Variants in ADGRB1 observed in about 807,000 individuals in gnomAD.
ADGRB1 encodes the protein brain-specific angiogenesis inhibitor 1.
In ADGRB1, 36 loss-of-function variants were observed where a neutral mutation model predicts 175.7. The observed-to-expected ratio is 0.20, with a 90% CI of 0.16 to 0.27. The LOEUF (loss-of-function observed/expected upper bound fraction) is 0.27, where lower values mean the gene tolerates loss of function less well. Ranked by LOEUF, ADGRB1 falls within the 10% of genes least tolerant of loss-of-function variation. The pLI, the probability that ADGRB1 is intolerant of heterozygous loss-of-function variation, is 1.00. For missense variants in ADGRB1, 1,731 were observed against 2,255.3 expected (o/e 0.77, Z 4.71); for synonymous variants, 1,054 against 979.4 (o/e 1.08, Z -1.42).
At chr8:142,528,858 C>T (rs1375840445) in intron 24 of ADGRB1, among the ~76,000 whole-genome samples, 2 of 152,236 alleles carry the variant, frequency 1.3e-5, no homozygotes, top group Non-Finnish European at 2.9e-5. Flanking sequence ...CACAAGGCAC[C>T]GCGGGTGCAG....
At chr8:142,469,370 TGTGTGAATGTGGGA>T (rs1281507859) in intron 2 of ADGRB1, among the ~76,000 whole-genome samples, 1 of 151,334 alleles carries the variant, frequency 6.6e-6, no homozygotes, top group Non-Finnish European at 1.5e-5. Context: ...CACGTGCATG[TGTGTGAATGTGGGA>T]GTGTGTATGT....
chr8:142,533,436 C>G lies in ADGRB1; in HGVS notation c.3540C>G (p.Ile1180Met), dbSNP rs747609583. The G allele has an allele frequency of 1.9e-6, 3 of 1,612,140 alleles. No individual in the cohort carries two copies. Among genetic ancestry groups the G allele is most frequent in the Non-Finnish European group, 2.5e-6 (3 of 1,179,048 alleles). Residue 1180 changes from isoleucine (I) to methionine (M), a missense_variant, in exon 25 of 31, where the codon ATC becomes ATG. Ile to Met is a conservative substitution (Grantham distance 10, BLOSUM62 1). Coordinates refer to ENST00000517894, the MANE Select transcript of ADGRB1 (RefSeq NM_001702.3). ...AVFDSLEGFV[I>M]VMVHCILRRE... ...TCGACTCGCTGGAGGGCTTCGTCAT[C>G]GTCATGGTGCACTGTATCCTCCGTA...
In ADGRB1 at chr8:142,511,896, T is replaced by A. The variant is rs936712231; in HGVS notation, c.2817+823T>A. 3.3e-5 allele frequency among the ~76,000 whole-genome samples: 5 copies of A among 152,206 alleles called. No individual in the cohort carries two copies. Among genetic ancestry groups the A allele is most frequent in the Admixed American group, 3.3e-4 (5 of 15,290 alleles). On this transcript the variant is annotated intron_variant, in intron 18 of 30. Coordinates refer to ENST00000517894, the MANE Select transcript of ADGRB1 (RefSeq NM_001702.3). This position sits in a 1 kb window ranked among gnomAD's most constrained non-coding sequence, Gnocchi z 4.5. ...TCCGCCCAGACCTCGTGTGGAAGCC[T>A]GGGAGGCAGCAGGGGTGGAGGATGC...
chr8:142,529,992 G>A (rs1844518273), intron 24 of ADGRB1, among the ~76,000 whole-genome samples: 1 of 151,958 alleles, frequency 6.6e-6, no homozygotes, highest in Non-Finnish European at 1.5e-5. Flanking sequence ...GCATCTGTGT[G>A]TGTGAGCGCA....
intron 13 of ADGRB1, among the ~76,000 whole-genome samples, chr8:142,486,096 C>T (rs1039170877): frequency 5.3e-5 from 8 of 152,180 alleles, no homozygotes; most frequent in African/African-American, 1.9e-4. Flanking sequence ...AGGACACATT[C>T]AAGCTATAGC....
At chr8:142,521,622 G>A (rs1398587120) in intron 20 of ADGRB1, among the ~76,000 whole-genome samples, 1 of 152,244 alleles carries the variant, frequency 6.6e-6, no homozygotes, top group East Asian at 1.9e-4. Context: ...TCCTTGGGGC[G>A]TGACGTGCCC....
At chr8:142,462,406 A>G (rs930104981) in intron 1 of ADGRB1, among the ~76,000 whole-genome samples, 3 of 152,138 alleles carry the variant, frequency 2.0e-5, no homozygotes, top group African/African-American at 7.2e-5. Flanking sequence ...AGATGGAGAA[A>G]CCGAGGCTTT....
rs919284839 is a variant in ADGRB1 at position 142,492,266 on chromosome 8, C to T, written c.2675+1451C>T. On this transcript the variant is annotated intron_variant, in intron 17 of 30. Coordinates refer to ENST00000517894, the MANE Select transcript of ADGRB1 (RefSeq NM_001702.3). This position sits in a 1 kb window ranked among gnomAD's most constrained non-coding sequence, Gnocchi z 4.4. ...TAATCCATCCGCCCATCGCCCACTG[C>T]TCACCACCCTTCCTCCGGCGGTCAC... Among the ~76,000 whole-genome samples, 3 of 152,190 alleles carry T rather than the reference C, an allele frequency of 2.0e-5. No homozygotes were observed. The highest frequency in any genetic ancestry group is 2.9e-5 in the Non-Finnish European group (2 of 68,034).
At chr8:142,454,697 G>T (rs1191974957) in intron 1 of ADGRB1, among the ~76,000 whole-genome samples, 1 of 152,114 alleles carries the variant, frequency 6.6e-6, no homozygotes, top group Non-Finnish European at 1.5e-5. Context: ...ACTCCTCGGG[G>T]TTAAGGTGAG....
At chr8:142,480,714 G>A (rs1563696450) in intron 9 of ADGRB1, among the ~76,000 whole-genome samples, 1 of 152,170 alleles carries the variant, frequency 6.6e-6, no homozygotes. Flanking sequence ...TGTGGCTGCC[G>A]CCACCCTGTA....
At chr8:142,509,868 G>A (rs1052829890) in intron 17 of ADGRB1, among the ~76,000 whole-genome samples, 1 of 152,210 alleles carries the variant, frequency 6.6e-6, no homozygotes, top group African/African-American at 2.4e-5. Context: ...CCTCCACCAG[G>A]CAGGCCCAGG....
chr8:142,450,270 C>G (rs1166727390), intron 1 of ADGRB1, among the ~76,000 whole-genome samples, 166 bp downstream of exon 1: 2 of 151,678 alleles, frequency 1.3e-5, no homozygotes, highest in Admixed American at 1.3e-4. Context: ...GACCCCCACC[C>G]CCTACCCCCT....
intron 24 of ADGRB1, among the ~76,000 whole-genome samples, chr8:142,527,211 A>G (rs550176285): frequency 6.6e-6 from 1 of 152,280 alleles, no homozygotes; most frequent in African/African-American, 2.4e-5. Flanking sequence ...TTTGAGGGAC[A>G]GGGCCCTGGG....
chr8:142,522,645 C>G lies in ADGRB1; in HGVS notation c.3180C>G (p.Leu1060=), dbSNP rs1317013198. 8 of 1,559,826 alleles carry G rather than the reference C, an allele frequency of 5.1e-6. No individual in the cohort carries two copies. Among genetic ancestry groups the G allele is most frequent in the African/African-American group, 1.4e-5 (1 of 73,136 alleles). The change falls in exon 22 of 31, where the codon CTC becomes CTG. Residue 1060 remains leucine (L), a synonymous_variant. Transcript: ENST00000517894. Reference sequence around the variant, plus strand: ...CTCTCTCTGCTCCTTCTCCAGGGCTCCCTGCACTGGTTGTGGCCATTTCTG... The same window carrying G: ...CTCTCTCTGCTCCTTCTCCAGGGCTGCCTGCACTGGTTGTGGCCATTTCTG... ...RKRFLCLGWG[L]PALVVAISVG...
chr8:142,487,883 C>T (rs951063248), intron 13 of ADGRB1, among the ~76,000 whole-genome samples: 3 of 152,226 alleles, frequency 2.0e-5, no homozygotes, highest in African/African-American at 7.2e-5. Flanking sequence ...AGCCCTGAGG[C>T]AGGGCAGCCC....
chr8:142,542,721 G>T lies in ADGRB1; in HGVS notation c.4413+74G>T. The T allele has an allele frequency of 7.4e-7, 1 of 1,358,830 alleles. No individual in the cohort carries two copies. The highest frequency in any genetic ancestry group is 9.9e-7 in the Non-Finnish European group (1 of 1,012,494). The allele number at this position is 1,358,830 out of a possible 1,614,324, so 84.2% of individuals were successfully genotyped here. ...GCAGCAGCTGGGTCACCCCTGCTGG[G>T]TGGGACCCCCACGCCGTCAGCGGGG... On this transcript the variant is annotated intron_variant, in intron 28 of 30. Coordinates refer to ENST00000517894, the MANE Select transcript of ADGRB1 (RefSeq NM_001702.3). The surrounding 1 kb of genome is among the most constrained non-coding windows in gnomAD (Gnocchi z 6.3).
At chr8:142,541,321 C>T (rs1845259397) in intron 27 of ADGRB1, among the ~76,000 whole-genome samples, 1 of 152,152 alleles carries the variant, frequency 6.6e-6, no homozygotes, top group Non-Finnish European at 1.5e-5. Flanking sequence ...GGCTGGGCCC[C>T]TTGCAACTGA....
At chr8:142,498,561 G>GCACAC in intron 17 of ADGRB1, among the ~76,000 whole-genome samples, 1 of 151,960 alleles carries the variant, frequency 6.6e-6, no homozygotes, top group Non-Finnish European at 1.5e-5. Flanking sequence ...CACACTGGCT[G>GCACAC]TGCGCGCCCA....
At chr8:142,499,452 C>T (rs75409560) in intron 17 of ADGRB1, among the ~76,000 whole-genome samples, 1,864 of 150,372 alleles carry the variant, frequency 0.012, 48 homozygotes, top group African/African-American at 0.044. Context: ...ACTTGGGGTA[C>T]GGCCACCCGC....
Sources: allele counts gnomAD v4.1 joint callset (sites outside exome capture counted in the v4.1 genomes callset), GRCh38; gene constraint gnomAD v4.1.1; non-coding constraint Gnocchi (gnomAD v3.1); transcripts MANE v1.5; gene names NCBI Gene and HGNC (gene_info 2026-07-23, HGNC 2026-07-21).